Variants in CCSER1 observed in about 807,000 individuals in gnomAD.
CCSER1 encodes coiled-coil serine rich protein 1, also known as serine-rich coiled-coil domain-containing protein 1.
In CCSER1, 41 loss-of-function variants were observed where a neutral mutation model predicts 82.0. That is an observed-to-expected ratio of 0.50 (90% CI 0.39 to 0.65). CCSER1 has a LOEUF of 0.65. Ranked by LOEUF, CCSER1 falls within the 30% of genes least tolerant of loss-of-function variation. The pLI is 0.00. For missense variants in CCSER1, 1,119 were observed against 1,064.2 expected, an observed-to-expected ratio of 1.05 and a Z score of -0.72; for synonymous variants, 414 against 383.9, an observed-to-expected ratio of 1.08 and a Z score of -0.92.
chr4:90,923,393 G>C lies in CCSER1; in HGVS notation c.2118G>C (p.Lys706Asn). 3.2e-6 allele frequency: 5 copies of C among 1,551,450 alleles called. No individual in the cohort carries two copies. Among genetic ancestry groups the C allele is most frequent in the Non-Finnish European group, 4.4e-6 (5 of 1,146,814 alleles). The stretch of plus-strand genomic sequence containing the variant: ...AGGGAAAAGTCCGGCATTTACAGAA[G>C]GCTTTTGCTTCAAGAGTAGATAAAT... Reference protein sequence around the residue: ...EELGKVRHLQKAFASRVDKST... With the variant: ...EELGKVRHLQNAFASRVDKST... Residue 706 changes from lysine to asparagine, a missense_variant, in exon 9 of 11, where the codon AAG becomes AAC. Lys to Asn is a moderately conservative substitution (Grantham distance 94, BLOSUM62 0). Transcript: ENST00000509176.
intron 10 of CCSER1, among the ~76,000 whole-genome samples, chr4:91,512,488 G>C (rs1397848595): frequency 6.6e-6 from 1 of 152,122 alleles, no homozygotes; most frequent in African/African-American, 2.4e-5. Context: ...CCCTACTTTT[G>C]AGGTTTTGGG....
chr4:90,723,893 T>G, intron 6 of CCSER1, 21 bp from the exon 7 acceptor site: 1 of 1,350,752 alleles, frequency 7.4e-7, no homozygotes, highest in Non-Finnish European at 9.9e-7. Context: ...CTAATTAAAT[T>G]CAATTTCACT....
chr4:90,829,977 T>C (rs1285096523), intron 8 of CCSER1, among the ~76,000 whole-genome samples: 1 of 152,196 alleles, frequency 6.6e-6, no homozygotes, highest in Non-Finnish European at 1.5e-5. Flanking sequence ...TTAACACTCA[T>C]GCCCAAGAAG....
chr4:91,426,671 T>C (rs1754001454), intron 10 of CCSER1, among the ~76,000 whole-genome samples: 1 of 152,222 alleles, frequency 6.6e-6, no homozygotes, highest in Admixed American at 6.5e-5. Flanking sequence ...TTTAAGAGTA[T>C]TTTTAATTGA....
At position 90,400,050 on chromosome 4, in the gene CCSER1, T is replaced by C; in HGVS notation, c.1524T>C (p.Asn508=). 1 of 1,601,670 alleles carries C rather than the reference T, an allele frequency of 6.2e-7. No homozygotes were observed. Among genetic ancestry groups the C allele is most frequent in the Non-Finnish European group, 8.5e-7 (1 of 1,170,360 alleles). The change falls in exon 4 of 11, where the codon AAT becomes AAC. Residue 508 remains asparagine (N), a synonymous_variant. Transcript: ENST00000509176. ...TTTTTCTTCAGGATGTTTTGAATAA[T>C]TTGGGATCTTGTGAACTGGATGAAG... ...SKMNSLDVLN[N]LGSCELDEDD...
chr4:91,457,143 A>G (rs996221884), intron 10 of CCSER1, among the ~76,000 whole-genome samples: 2 of 152,100 alleles, frequency 1.3e-5, no homozygotes, highest in Non-Finnish European at 2.9e-5. Flanking sequence ...CACGTCTCCC[A>G]TTTTTATCCC....
intron 7 of CCSER1, among the ~76,000 whole-genome samples, chr4:90,733,678 T>C (rs1745149135): frequency 6.6e-6 from 1 of 152,188 alleles, no homozygotes; most frequent in Non-Finnish European, 1.5e-5. Context: ...AAGTCTCTAA[T>C]CCATTTTGAC....
chr4:91,132,355 G>T (rs1371014265), intron 10 of CCSER1, among the ~76,000 whole-genome samples: 2 of 152,094 alleles, frequency 1.3e-5, no homozygotes, highest in Non-Finnish European at 2.9e-5. Context: ...GTCACAGAGG[G>T]CATTAACGTA....
chr4:91,390,922 T>C (rs75750112), intron 10 of CCSER1, among the ~76,000 whole-genome samples: 4,769 of 152,228 alleles, frequency 0.031, 236 homozygotes, highest in African/African-American at 0.11. Flanking sequence ...TAGTTATATC[T>C]CCTATCTCAC....
At chr4:91,416,632 G>A (rs200938189) in intron 10 of CCSER1, among the ~76,000 whole-genome samples, 5 of 152,226 alleles carry the variant, frequency 3.3e-5, no homozygotes, top group East Asian at 1.9e-4. Flanking sequence ...AAGTGGTGCC[G>A]GGAGAACTGG....
chr4:90,470,652 G>T (rs933912466), intron 5 of CCSER1, among the ~76,000 whole-genome samples: 2 of 151,142 alleles, frequency 1.3e-5, no homozygotes, highest in African/African-American at 4.9e-5. Context: ...CATTTTCTGG[G>T]AGGTTCCTCT....
chr4:90,962,253 G>A (rs1409234513), intron 9 of CCSER1, among the ~76,000 whole-genome samples: 1 of 151,884 alleles, frequency 6.6e-6, no homozygotes, highest in African/African-American at 2.4e-5. Flanking sequence ...TCTTAGTAAA[G>A]ATAAGCATAC....
At chr4:90,656,495 C>A (rs181288561) in intron 6 of CCSER1, among the ~76,000 whole-genome samples, 1 of 151,492 alleles carries the variant, frequency 6.6e-6, no homozygotes, top group East Asian at 1.9e-4. Flanking sequence ...AGTATTTGTG[C>A]GATATCTATT....
At chr4:91,466,828 C>A (rs537192804) in intron 10 of CCSER1, among the ~76,000 whole-genome samples, 1 of 152,136 alleles carries the variant, frequency 6.6e-6, no homozygotes, top group Non-Finnish European at 1.5e-5. Flanking sequence ...AGGAGAACTA[C>A]AAACCACTGC....
At chr4:90,409,908 T>C (rs1347156232) in intron 4 of CCSER1, among the ~76,000 whole-genome samples, 2 of 152,026 alleles carry the variant, frequency 1.3e-5, no homozygotes, top group Non-Finnish European at 2.9e-5. Flanking sequence ...GAGACACACA[T>C]AGGCTCAAAA....
chr4:91,232,805 G>A (rs573722522), intron 10 of CCSER1, among the ~76,000 whole-genome samples: 50 of 151,656 alleles, frequency 3.3e-4, no homozygotes, highest in Non-Finnish European at 6.2e-4. Context: ...TTTAAGAAAG[G>A]ATTGCTTTTA....
chr4:91,151,996 A>C (rs1399779188), intron 10 of CCSER1, among the ~76,000 whole-genome samples: 6 of 152,112 alleles, frequency 3.9e-5, no homozygotes, highest in African/African-American at 1.2e-4. Context: ...AGGTCCACTT[A>C]GTGCAGAGCT....
At chr4:91,512,779 A>G (rs1333499881) in intron 10 of CCSER1, among the ~76,000 whole-genome samples, 1 of 152,078 alleles carries the variant, frequency 6.6e-6, no homozygotes, top group Non-Finnish European at 1.5e-5. Context: ...TTATTGATGT[A>G]TAGATATACT....
At chr4:91,047,110 A>G (rs1742575383) in intron 9 of CCSER1, among the ~76,000 whole-genome samples, 1 of 152,154 alleles carries the variant, frequency 6.6e-6, no homozygotes, top group South Asian at 2.1e-4. Flanking sequence ...AGTGCAAGGA[A>G]TGCTGGGAAA....
Sources: gnomAD v4.1 joint callset for allele counts (sites outside exome capture counted in the v4.1 genomes callset) on GRCh38, gnomAD v4.1.1 for gene constraint, MANE v1.5 for transcripts, NCBI Gene and HGNC (gene_info 2026-07-23, HGNC 2026-07-21) for gene names.